ABCA12: variants seen among roughly 807,000 people sequenced by gnomAD.
ABCA12 encodes glucosylceramide transporter ABCA12.
Under a neutral mutation model 293.5 loss-of-function variants are expected in ABCA12, and 156 were observed. The ratio of observed to expected loss-of-function variants is 0.53; its 90% CI spans 0.47 to 0.61. The LOEUF is 0.61. ABCA12 is among the 20% of genes least tolerant of loss of function. ABCA12 has a pLI of 0.00. For missense variants in ABCA12, 2,797 were observed against 3,090.2 expected (o/e 0.91, Z 2.25); for synonymous variants, 1,063 against 1,108.0 (o/e 0.96, Z 0.81).
At position 215,052,568 on chromosome 2, in the gene ABCA12, A is replaced by G. The variant is rs144934213; in HGVS notation, c.426T>C (p.Ser142=). The change falls in exon 5 of 53, where the codon AGT becomes AGC. Residue 142 remains serine (S), a synonymous_variant. Transcript: ENST00000272895. ...CGGGGATTTCCAAATCAGAACTTGGACTGGGAAATACTGTGGCTGTAATCA... is the reference window on the plus strand; with the variant it reads ...CGGGGATTTCCAAATCAGAACTTGGGCTGGGAAATACTGTGGCTGTAATCA... The part of the protein sequence containing the change: ...RHASLATVFP[S]PSSDLEIPGT... 172 of 1,612,246 alleles carry G rather than the reference A, an allele frequency of 1.1e-4. 1 individual carries two copies. The highest frequency in any genetic ancestry group is 1.0e-3 in the East Asian group (47 of 44,812).
Position 215,010,476 on chromosome 2 carries a change from A to T in ABCA12, c.2333-6T>A. On this transcript the variant is annotated splice_region_variant and splice_polypyrimidine_tract_variant and intron_variant, in intron 17 of 52. Coordinates refer to ENST00000272895, the MANE Select transcript of ABCA12 (RefSeq NM_173076.3). ...AAGGGAGAAGCAAAATGGTGCTGGAAGGAAAAAGTGAAATAAAACCATTTA... is the reference window on the plus strand; with the variant it reads ...AAGGGAGAAGCAAAATGGTGCTGGATGGAAAAAGTGAAATAAAACCATTTA... 6.2e-7 allele frequency: 1 copy of T among 1,613,302 alleles called. No homozygotes were observed. Among genetic ancestry groups the T allele is most frequent in the Non-Finnish European group, 8.5e-7 (1 of 1,179,432 alleles).
chr2:215,097,456 G>A (rs999515252), intron 2 of ABCA12, among the ~76,000 whole-genome samples: 6 of 151,902 alleles, frequency 3.9e-5, no homozygotes, highest in South Asian at 4.1e-4. Context: ...AAAATCCTGC[G>A]TTCTTTCCCT....
chr2:215,135,929 T>C (rs1317884570), intron 1 of ABCA12, among the ~76,000 whole-genome samples: 2 of 152,188 alleles, frequency 1.3e-5, no homozygotes, highest in East Asian at 3.9e-4. Flanking sequence ...TTTCTCTTTC[T>C]TTGCCCTTTC....
At chr2:215,035,135 T>C (rs529211220) in intron 8 of ABCA12, among the ~76,000 whole-genome samples, 3 of 152,284 alleles carry the variant, frequency 2.0e-5, no homozygotes, top group African/African-American at 7.2e-5. Context: ...GAAAGTTTCC[T>C]AGAAATACTT....
intron 52 of ABCA12, among the ~76,000 whole-genome samples, chr2:214,933,171 A>T (rs550902115): frequency 6.6e-6 from 1 of 152,292 alleles, no homozygotes; most frequent in East Asian, 1.9e-4. Context: ...TAATGCATTA[A>T]GATAAAATTT....
At chr2:215,128,965 C>T (rs1702990618) in intron 1 of ABCA12, among the ~76,000 whole-genome samples, 1 of 152,144 alleles carries the variant, frequency 6.6e-6, no homozygotes, top group African/African-American at 2.4e-5. Context: ...GGCTGTTGTT[C>T]AGACTTTTTT....
chr2:214,939,856 T>C (rs533113525), intron 50 of ABCA12, among the ~76,000 whole-genome samples: 1 of 152,302 alleles, frequency 6.6e-6, no homozygotes, highest in East Asian at 1.9e-4. Context: ...CTTAAGGGGA[T>C]TTGGGGCTGA....
chr2:214,970,170 T>A, intron 37 of ABCA12, 103 bp downstream of exon 37: 1 of 1,168,894 alleles, frequency 8.6e-7, no homozygotes. Context: ...AATTTAACCA[T>A]GTAAAATGTA....
chr2:214,958,523 C>A, intron 40 of ABCA12, 69 bp from the exon 41 acceptor site: 1 of 1,525,810 alleles, frequency 6.6e-7, no homozygotes, highest in Non-Finnish European at 9.0e-7. Flanking sequence ...CAGAAAGATT[C>A]ATAACTAAAA....
intron 30 of ABCA12, among the ~76,000 whole-genome samples, 167 bp from the exon 31 acceptor site, chr2:214,980,810 A>G (rs1490973461): frequency 6.6e-6 from 1 of 152,126 alleles, no homozygotes; most frequent in African/African-American, 2.4e-5. Context: ...ATGCAAGAAA[A>G]ATTCAGGGCC....
At chr2:214,954,218 G>C (rs1698870859) in intron 43 of ABCA12, 111 bp from the exon 44 acceptor site, 1 of 1,177,196 alleles carries the variant, frequency 8.5e-7, no homozygotes, top group Non-Finnish European at 1.2e-6. Context: ...AGCTTATCTA[G>C]ATTGGCAATT....
intron 2 of ABCA12, among the ~76,000 whole-genome samples, chr2:215,091,836 C>T (rs1702153588): frequency 6.6e-6 from 1 of 152,232 alleles, no homozygotes; most frequent in South Asian, 2.1e-4. Flanking sequence ...GGTGTTCCTC[C>T]AGGACGTCCT....
chr2:215,016,461 T>C (rs1700502461), intron 14 of ABCA12, among the ~76,000 whole-genome samples: 1 of 150,646 alleles, frequency 6.6e-6, no homozygotes, highest in African/African-American at 2.4e-5. Flanking sequence ...CGGGTGCCTG[T>C]AGTCCCAGCT....
intron 2 of ABCA12, among the ~76,000 whole-genome samples, chr2:215,102,028 C>CGT (rs71399171): frequency 0.17 from 24,776 of 149,994 alleles, 2,537 homozygotes; most frequent in African/African-American, 0.28. Flanking sequence ...TGTTTGTACA[C>CGT]GTGTGTGTGT....
At chr2:214,988,979 G>A (rs956053203) in intron 26 of ABCA12, among the ~76,000 whole-genome samples, 2 of 151,192 alleles carry the variant, frequency 1.3e-5, no homozygotes, top group Non-Finnish European at 2.9e-5. Context: ...AGAAGCTCGA[G>A]AGCAGCCTGG....
Position 214,976,112 on chromosome 2 carries a change from A to C in ABCA12, c.5129-75T>G. ...AATAAAATAACTTCAGAAACTATAT[A>C]TAAATGGTATAATACACTGTGGTGG... is the stretch of plus-strand genomic sequence containing the variant. On this transcript the variant is annotated intron_variant, in intron 33 of 52. Transcript: ENST00000272895. The C allele has an allele frequency of 1.9e-6, 3 of 1,556,018 alleles. No individual in the cohort carries two copies. The Admixed American group carries it at 5.2e-5, about 27-fold the overall frequency.
At position 215,131,879 on chromosome 2, in the gene ABCA12, A is replaced by C. The variant is rs567799331; in HGVS notation, c.69+6261T>G. On this transcript the variant is annotated intron_variant, in intron 1 of 52. Coordinates refer to ENST00000272895, the MANE Select transcript of ABCA12 (RefSeq NM_173076.3). ...CTTTTTGATGTAAGCATTTAATGCT[A>C]TAAACTTTTCTCTTAGCACTGCCTT... 6.2e-4 allele frequency among the ~76,000 whole-genome samples: 94 copies of C among 152,064 alleles called. 1 individual carries two copies. The highest frequency in any genetic ancestry group is 5.9e-4 in the Admixed American group (9 of 15,256).
rs186626281 is a variant in ABCA12, at chr2:215,106,875, A to T, written c.163+4722T>A. ...GATAATATAAATTTGGATATAATTC[A>T]ATTCATGGCTGGCTCCTGCCTTCCA... On this transcript the variant is annotated intron_variant, in intron 2 of 52. Transcript: ENST00000272895. Among the ~76,000 whole-genome samples the T allele has an allele frequency of 4.2e-4, 64 of 152,252 alleles. 1 individual carries two copies. In the South Asian group the frequency reaches 6.8e-3, roughly 16 times the overall value.
intron 11 of ABCA12, among the ~76,000 whole-genome samples, chr2:215,020,427 G>T (rs1700603810): frequency 6.6e-6 from 1 of 152,102 alleles, no homozygotes; most frequent in South Asian, 2.1e-4. Context: ...GAAAATGAAA[G>T]GTGAATGGTC....
Sources: gnomAD v4.1 joint callset for allele counts (sites outside exome capture counted in the v4.1 genomes callset) on GRCh38, gnomAD v4.1.1 for gene constraint, MANE v1.5 for transcripts, NCBI Gene and HGNC (gene_info 2026-07-23, HGNC 2026-07-21) for gene names.